The following NRG1 variants were observed in gnomAD, a reference collection of about 807,000 sequenced individuals.
NRG1 encodes the protein neuregulin 1, also known as pro-neuregulin-1, membrane-bound isoform.
A neutral mutation model predicts 63.8 loss-of-function variants in NRG1; 18 were observed. The observed-to-expected ratio is 0.28, with a 90% CI of 0.19 to 0.42. The LOEUF is 0.42. Among genes scored for constraint, NRG1 ranks in the 10% least tolerant of loss-of-function variants. The probability of loss-of-function intolerance (pLI) is 1.00; values close to 1 mark genes in which losing one functional copy is unlikely to be tolerated. For synonymous variants in NRG1, 302 were observed against 301.3 expected (o/e 1.00, Z -0.02); for missense variants, 762 against 814.7 (o/e 0.94, Z 0.79).
chr8:32,027,420 CCT>C (rs1817562708), intron 1 of NRG1, among the ~76,000 whole-genome samples: 2 of 101,812 alleles, frequency 2.0e-5, no homozygotes, highest in African/African-American at 5.2e-5. Context: ...TTCCCTCCTT[CCT>C]TCCTTCCTTC....
chr8:32,554,563 A>T (rs61335481), intron 1 of NRG1, among the ~76,000 whole-genome samples: 193 of 152,318 alleles, frequency 1.3e-3, no homozygotes, highest in African/African-American at 3.7e-3. Flanking sequence ...AAATTTTTTT[A>T]AAAAAGCCTC....
At chr8:32,184,988 C>G (rs535206337) in intron 1 of NRG1, among the ~76,000 whole-genome samples, 43 of 152,194 alleles carry the variant, frequency 2.8e-4, no homozygotes, top group African/African-American at 9.4e-4. Flanking sequence ...TGTGGTCCTG[C>G]CTTGTAGATG....
intron 1 of NRG1, among the ~76,000 whole-genome samples, chr8:32,171,808 C>T (rs10111760): frequency 0.037 from 5,672 of 152,162 alleles, 195 homozygotes; most frequent in African/African-American, 0.088. Context: ...GAGGGACGCC[C>T]GCCATTGCCA....
At chr8:32,748,572 G>A (rs1046856224) in intron 7 of NRG1, 1 of 329,942 alleles carries the variant, frequency 3.0e-6, no homozygotes, top group African/African-American at 2.3e-5. Flanking sequence ...CAATCCTGGA[G>A]TCTCTGGAGT....
intron 1 of NRG1, among the ~76,000 whole-genome samples, chr8:32,474,674 TGTG>T (rs1554552984): frequency 2.0e-5 from 3 of 148,530 alleles, no homozygotes; most frequent in African/African-American, 5.0e-5. Flanking sequence ...TGTGTGTGTG[TGTG>T]TTTTTTTTAG....
At chr8:32,303,215 G>GAGA (rs1855807500) in intron 1 of NRG1, among the ~76,000 whole-genome samples, 1 of 131,868 alleles carries the variant, frequency 7.6e-6, no homozygotes, top group African/African-American at 2.8e-5. Context: ...AAAGAGAAAA[G>GAGA]AAAGAAAAGA....
At chr8:32,077,272 C>T (rs532874379) in intron 1 of NRG1, among the ~76,000 whole-genome samples, 6 of 152,222 alleles carry the variant, frequency 3.9e-5, no homozygotes, top group African/African-American at 1.4e-4. Flanking sequence ...GATACTGAGG[C>T]AGGAGAATCG....
At chr8:32,294,386 G>T (rs1344401927) in intron 1 of NRG1, among the ~76,000 whole-genome samples, 1 of 152,008 alleles carries the variant, frequency 6.6e-6, no homozygotes, top group Non-Finnish European at 1.5e-5. Flanking sequence ...CTAGAATCTG[G>T]TCATAATTTA....
chr8:32,360,258 G>A (rs1349705849), intron 1 of NRG1, among the ~76,000 whole-genome samples: 3 of 152,080 alleles, frequency 2.0e-5, no homozygotes, highest in Non-Finnish European at 2.9e-5. Context: ...ATTCAAAGAC[G>A]TTTTCTGAAA....
At chr8:31,921,107 A>G (rs1442677243) in intron 1 of NRG1, among the ~76,000 whole-genome samples, 2 of 152,202 alleles carry the variant, frequency 1.3e-5, no homozygotes, top group Non-Finnish European at 2.9e-5. Flanking sequence ...AAATTACAAT[A>G]TGCAATACCT....
intron 1 of NRG1, among the ~76,000 whole-genome samples, chr8:32,183,149 T>A (rs1841606636): frequency 6.6e-6 from 1 of 152,176 alleles, no homozygotes; most frequent in East Asian, 1.9e-4. Flanking sequence ...AGTTGCTGGA[T>A]GGTGGAGCTG....
chr8:32,768,140 C>A (rs780051978), downstream of NRG1, among the ~76,000 whole-genome samples: 5 of 152,180 alleles, frequency 3.3e-5, no homozygotes, highest in Non-Finnish European at 5.9e-5. Flanking sequence ...ATCATCTCCT[C>A]CCTACCAATG....
At chr8:32,429,021 T>C (rs1817790575) in intron 1 of NRG1, among the ~76,000 whole-genome samples, 1 of 152,326 alleles carries the variant, frequency 6.6e-6, no homozygotes, top group South Asian at 2.1e-4. Context: ...TGTTAGGTTT[T>C]TGTTAGTGAA....
intron 1 of NRG1, among the ~76,000 whole-genome samples, chr8:32,149,832 A>G (rs1028113133): frequency 2.0e-5 from 3 of 152,204 alleles, no homozygotes; most frequent in African/African-American, 7.2e-5. Flanking sequence ...AATTTGGAAA[A>G]CAGAGTTTGG....
intron 1 of NRG1, among the ~76,000 whole-genome samples, chr8:32,066,140 T>G (rs1168383036): frequency 4.6e-5 from 7 of 152,270 alleles, no homozygotes; most frequent in Non-Finnish European, 1.0e-4. Flanking sequence ...GTAGGTTGCC[T>G]GTTCATTCTG....
At chr8:32,621,450 G>T (rs1229064527) in intron 5 of NRG1, among the ~76,000 whole-genome samples, 1 of 152,180 alleles carries the variant, frequency 6.6e-6, no homozygotes, top group East Asian at 1.9e-4. Context: ...TTTGGAACAA[G>T]CCTTAATGAC....
intron 5 of NRG1, among the ~76,000 whole-genome samples, chr8:32,624,197 G>A (rs1848803437): frequency 6.6e-6 from 1 of 152,184 alleles, no homozygotes; most frequent in South Asian, 2.1e-4. Context: ...TATCTAAACA[G>A]CACATTTTAG....
chr8:32,270,765 T>C (rs1458413621), intron 1 of NRG1, among the ~76,000 whole-genome samples: 1 of 152,214 alleles, frequency 6.6e-6, no homozygotes, highest in Non-Finnish European at 1.5e-5. Flanking sequence ...AAATTGGCCA[T>C]GTTGAGAACA....
chr8:32,648,943 G>A (rs933390828), intron 5 of NRG1, among the ~76,000 whole-genome samples: 4 of 151,996 alleles, frequency 2.6e-5, no homozygotes, highest in Non-Finnish European at 4.4e-5. Flanking sequence ...AGACATTTAC[G>A]GTGCTAGCCT....
Sources: gnomAD v4.1 joint callset for allele counts (sites outside exome capture counted in the v4.1 genomes callset) on GRCh38, gnomAD v4.1.1 for gene constraint, MANE v1.5 for transcripts, NCBI Gene and HGNC (gene_info 2026-07-23, HGNC 2026-07-21) for gene names.